Variants in PKD1L3 observed in about 807,000 individuals in gnomAD.
PKD1L3 encodes polycystin-1-like protein 3.
PKD1L3 carries 239 observed loss-of-function variants against 184.1 expected under a neutral mutation model. The ratio of observed to expected loss-of-function variants is 1.30; its 90% CI spans 1.17 to 1.45. The LOEUF is 1.45. Ranked by LOEUF, PKD1L3 falls within the 40% of genes most tolerant of loss-of-function variation. The pLI, the probability that PKD1L3 is intolerant of heterozygous loss-of-function variation, is 0.00. For synonymous variants in PKD1L3, 996 were observed against 778.8 expected (o/e 1.28, Z -4.64); for missense variants, 2,660 against 2,067.2 (o/e 1.29, Z -5.56).
rs1400615941 is a variant in PKD1L3 at position 71,929,624 on chromosome 16, T to G, written c.5113A>C (p.Ile1705Leu). ...GATGAGGTTTTTTGGGGCCAACTGA[T>G]TCCTAACAAATTTGAGAGCTTCTGT... ...LLQKLSNLLG[I>L]SWPQKTSSEQ... is the part of the protein sequence containing the mutation. The change falls in exon 30 of 30, where the codon ATC becomes CTC. Residue 1705 changes from isoleucine to leucine, a missense_variant. Coordinates refer to ENST00000620267, the MANE Select transcript of PKD1L3 (RefSeq NM_181536.2). The G allele has an allele frequency of 1.9e-6, 3 of 1,551,834 alleles. No individual in the cohort carries two copies. Among genetic ancestry groups the G allele is most frequent in the Non-Finnish European group, 2.6e-6 (3 of 1,146,926 alleles).
chr16:71,971,965 C>A (rs1360344352), intron 12 of PKD1L3, among the ~76,000 whole-genome samples: 1 of 152,092 alleles, frequency 6.6e-6, no homozygotes, highest in Non-Finnish European at 1.5e-5. Context: ...ACCTGTAATC[C>A]CAGCACTTTG....
intron 24 of PKD1L3, among the ~76,000 whole-genome samples, chr16:71,938,258 G>A (rs182460250): frequency 9.2e-5 from 14 of 152,370 alleles, no homozygotes; most frequent in African/African-American, 2.6e-4. Flanking sequence ...GTGTGTGTGC[G>A]CTTGGGGCAG....
In PKD1L3 at chr16:71,967,146, C is replaced by A; in HGVS notation, c.2456G>T (p.Ser819Ile). The A allele has an allele frequency of 1.3e-6, 2 of 1,551,596 alleles. No individual in the cohort carries two copies. Among genetic ancestry groups the A allele is most frequent in the Non-Finnish European group, 1.7e-6 (2 of 1,146,886 alleles). Residue 819 changes from serine to isoleucine, a missense_variant, in exon 15 of 30, where the codon AGT becomes ATT. Physicochemically the swap from Ser to Ile is moderately radical, Grantham distance 142. Transcript: ENST00000620267. Reference sequence around the variant, plus strand: ...GGATATAAGTACTCACCAGGAGGGACTGACGCCAGAATTGTCATGCCAGAG... The same window carrying A: ...GGATATAAGTACTCACCAGGAGGGAATGACGCCAGAATTGTCATGCCAGAG... The part of the protein sequence containing the change: ...LRLWHDNSGV[S>I]PSWYVSQVIV...
In PKD1L3 at chr16:71,980,017, G is replaced by C; in HGVS notation, c.1261C>G (p.Leu421Val). The C allele has an allele frequency of 6.4e-7, 1 of 1,552,112 alleles. No individual in the cohort carries two copies. The highest frequency in any genetic ancestry group is 8.7e-7 in the Non-Finnish European group (1 of 1,147,084). ...VTLTSANATL[L>V]LSRQNISTLP... Reference sequence around the variant, plus strand: ...CTTCTTCCCATTAACCTGCTCAGCAGCAGAGTAGCATTGGCAGAGGTCAAA... The same window carrying C: ...CTTCTTCCCATTAACCTGCTCAGCACCAGAGTAGCATTGGCAGAGGTCAAA... Residue 421 changes from leucine (L) to valine (V), a missense_variant, in exon 8 of 30, where the codon CTG (leucine) becomes GTG (valine). By Grantham distance (32) the Leu-to-Val change is conservative (BLOSUM62 1). Coordinates refer to ENST00000620267, the MANE Select transcript of PKD1L3 (RefSeq NM_181536.2).
intron 3 of PKD1L3, 69 bp from the exon 4 acceptor site, chr16:71,990,398 G>A (rs765945885): frequency 6.1e-6 from 8 of 1,311,706 alleles, no homozygotes; most frequent in African/African-American, 6.0e-5. Flanking sequence ...TTTACTTGAG[G>A]ACTTCTTATT....
chr16:71,952,419 C>T (rs920006412), intron 18 of PKD1L3, among the ~76,000 whole-genome samples: 6 of 151,000 alleles, frequency 4.0e-5, no homozygotes, highest in African/African-American at 1.4e-4. Context: ...CGGGGTTTCA[C>T]CATGTTAGCC....
intron 16 of PKD1L3, among the ~76,000 whole-genome samples, chr16:71,958,606 C>G (rs1345219867): frequency 6.6e-6 from 1 of 150,858 alleles, no homozygotes; most frequent in Non-Finnish European, 1.5e-5. Flanking sequence ...CATGGTGAAA[C>G]CCCATCTCTA....
intron 12 of PKD1L3, among the ~76,000 whole-genome samples, chr16:71,972,492 T>C (rs550924487): frequency 2.0e-5 from 3 of 152,118 alleles, no homozygotes; most frequent in African/African-American, 2.4e-5. Flanking sequence ...AAGACCAGCA[T>C]AGGCACCATG....
intron 7 of PKD1L3, among the ~76,000 whole-genome samples, chr16:71,980,818 G>C (rs551514099): frequency 1.0e-3 from 159 of 152,270 alleles, no homozygotes; most frequent in Middle Eastern, 6.8e-3. Context: ...CTGGGCAACA[G>C]AGCGAGACTC....
intron 25 of PKD1L3, among the ~76,000 whole-genome samples, chr16:71,937,056 A>G (rs2038204286): frequency 6.6e-6 from 1 of 152,000 alleles, no homozygotes; most frequent in Admixed American, 6.6e-5. Context: ...CACCATCATC[A>G]TCATCATCAT....
In PKD1L3 at chr16:71,977,228, G is replaced by C. The variant is rs2039960924; in HGVS notation, c.1759+8C>G. 2.7e-6 allele frequency: 4 copies of C among 1,497,578 alleles called. No individual in the cohort carries two copies. In the East Asian group the frequency reaches 7.4e-5, roughly 28 times the overall value. The allele number at this position is 1,497,578 out of a possible 1,614,324, so 92.8% of individuals were successfully genotyped here. A position where few individuals can be genotyped will look rare whatever the true frequency, so the allele number is the denominator to read the frequency against. On this transcript the variant is annotated splice_region_variant and intron_variant, in intron 11 of 29. Transcript: ENST00000620267. ...AAAGTAAGTTTCTGACAGCTGATTG[G>C]GTTTTACCTTTTTGCCACACCTTAT...
At chr16:71,988,539 T>G (rs1289520069) in intron 4 of PKD1L3, among the ~76,000 whole-genome samples, 2 of 152,156 alleles carry the variant, frequency 1.3e-5, no homozygotes, top group African/African-American at 4.8e-5. Flanking sequence ...TTGGACCATG[T>G]GGTGATCGTG....
intron 16 of PKD1L3, among the ~76,000 whole-genome samples, chr16:71,961,908 G>GT (rs1321946478): frequency 6.6e-6 from 1 of 152,120 alleles, no homozygotes; most frequent in Non-Finnish European, 1.5e-5. Flanking sequence ...ACAGTTCCAT[G>GT]TTTTTTTGCC....
intron 9 of PKD1L3, among the ~76,000 whole-genome samples, chr16:71,979,503 AAACAC>A (rs1279485908): frequency 6.6e-6 from 1 of 152,172 alleles, no homozygotes; most frequent in Non-Finnish European, 1.5e-5. Flanking sequence ...AGAAAACAAA[AAACAC>A]AACAACAAAA....
intron 21 of PKD1L3, 95 bp downstream of exon 21, chr16:71,949,688 A>G (rs868847729): frequency 1.2e-5 from 14 of 1,144,338 alleles, no homozygotes; most frequent in Middle Eastern, 2.9e-4. Flanking sequence ...TTTATGTTAC[A>G]TTGTCAAAAC....
intron 11 of PKD1L3, among the ~76,000 whole-genome samples, chr16:71,973,719 T>G (rs909371830): frequency 1.2e-4 from 19 of 152,138 alleles, no homozygotes; most frequent in Non-Finnish European, 2.2e-4. Context: ...TACAGTCTTT[T>G]GGCCAGGTGT....
chr16:71,970,026 A>G lies in PKD1L3; in HGVS notation c.2033T>C (p.Val678Ala), dbSNP rs2039651734. 6.4e-7 allele frequency: 1 copy of G among 1,551,732 alleles called. No individual in the cohort carries two copies. Among genetic ancestry groups the G allele is most frequent in the Non-Finnish European group, 8.7e-7 (1 of 1,147,006 alleles). ...GTCTTCAACATTCACGGTCCTGGGCACGACAAAGAAGTCGCTGGCAAAGAA... is the reference window on the plus strand; with the variant it reads ...GTCTTCAACATTCACGGTCCTGGGCGCGACAAAGAAGTCGCTGGCAAAGAA... ...LTFFASDFFV[V>A]PRTVNVEDTI... Residue 678 changes from valine (V) to alanine (A), a missense_variant, in exon 13 of 30, where the codon GTG becomes GCG. Val to Ala is a moderately conservative substitution (Grantham distance 64). Coordinates refer to ENST00000620267, the MANE Select transcript of PKD1L3 (RefSeq NM_181536.2).
At chr16:71,943,725 CTGG>C (rs2038451904) in intron 23 of PKD1L3, among the ~76,000 whole-genome samples, 1 of 152,132 alleles carries the variant, frequency 6.6e-6, no homozygotes, top group Non-Finnish European at 1.5e-5. Flanking sequence ...AGCCAGTCAA[CTGG>C]CACCTACAGA....
chr16:71,942,011 G>A (rs1213365645), intron 24 of PKD1L3, among the ~76,000 whole-genome samples: 1 of 151,662 alleles, frequency 6.6e-6, no homozygotes, highest in Non-Finnish European at 1.5e-5. Context: ...GAAAGCAATG[G>A]AGCTACACTT....
Sources: gnomAD v4.1 joint callset for allele counts (sites outside exome capture counted in the v4.1 genomes callset) on GRCh38, gnomAD v4.1.1 for gene constraint, MANE v1.5 for transcripts, NCBI Gene and HGNC (gene_info 2026-07-23, HGNC 2026-07-21) for gene names.